HS6ST3: variants seen among roughly 807,000 people sequenced by gnomAD.
HS6ST3 encodes heparan sulfate 6-O-sulfotransferase 3.
HS6ST3 carries 12 observed loss-of-function variants against 36.7 expected under a neutral mutation model. The observed-to-expected ratio is 0.33, with a 90% CI of 0.21 to 0.53. The LOEUF (loss-of-function observed/expected upper bound fraction) is 0.53, where lower values mean the gene tolerates loss of function less well. HS6ST3 is among the 20% of genes least tolerant of loss of function. The pLI, the probability that HS6ST3 is intolerant of heterozygous loss-of-function variation, is 0.95. For missense variants in HS6ST3, 584 were observed against 640.9 expected (o/e 0.91, Z 0.96); for synonymous variants, 240 against 257.5 (o/e 0.93, Z 0.65).
intron 1 of HS6ST3, among the ~76,000 whole-genome samples, chr13:96,802,788 C>T (rs770145752): frequency 7.9e-5 from 12 of 152,196 alleles, no homozygotes; most frequent in Non-Finnish European, 1.0e-4. Flanking sequence ...CTGTGCTGGT[C>T]TCACTTTACT....
At chr13:96,101,868 G>T (rs1393549728) in intron 1 of HS6ST3, among the ~76,000 whole-genome samples, 8 of 151,972 alleles carry the variant, frequency 5.3e-5, no homozygotes. Context: ...TCTCTCTCTT[G>T]CACGTGCACA....
intron 1 of HS6ST3, among the ~76,000 whole-genome samples, chr13:96,717,173 A>G (rs1875719687): frequency 6.6e-6 from 1 of 152,226 alleles, no homozygotes; most frequent in Admixed American, 6.5e-5. Flanking sequence ...AAAGGGATGT[A>G]GTCAAGAAAG....
chr13:96,674,536 GAAGTT>G (rs376292139), intron 1 of HS6ST3, among the ~76,000 whole-genome samples: 3 of 152,114 alleles, frequency 2.0e-5, no homozygotes, highest in African/African-American at 7.2e-5. Context: ...GGAACAGGGG[GAAGTT>G]AAGGGGCTAG....
intron 1 of HS6ST3, among the ~76,000 whole-genome samples, chr13:96,295,652 T>G (rs151163356): frequency 6.6e-6 from 1 of 152,126 alleles, no homozygotes; most frequent in Non-Finnish European, 1.5e-5. Context: ...GTGTGTCTTA[T>G]TAAAAGCCTG....
At chr13:96,761,101 G>A (rs116947474) in intron 1 of HS6ST3, among the ~76,000 whole-genome samples, 3 of 150,792 alleles carry the variant, frequency 2.0e-5, no homozygotes, top group East Asian at 3.9e-4. Context: ...TATATATGAC[G>A]TGTTGAATTT....
intron 1 of HS6ST3, among the ~76,000 whole-genome samples, chr13:96,804,058 T>C (rs1878143005): frequency 6.6e-6 from 1 of 151,702 alleles, no homozygotes; most frequent in East Asian, 1.9e-4. Context: ...GGGTAGCATC[T>C]AAAACATGAG....
chr13:96,455,702 G>A (rs2055751561), intron 1 of HS6ST3, among the ~76,000 whole-genome samples: 1 of 152,232 alleles, frequency 6.6e-6, no homozygotes, highest in South Asian at 2.1e-4. Flanking sequence ...TTAGTACTTT[G>A]AGTACAGTTT....
At chr13:96,448,092 C>A (rs1404773180) in intron 1 of HS6ST3, among the ~76,000 whole-genome samples, 1 of 152,162 alleles carries the variant, frequency 6.6e-6, no homozygotes, top group African/African-American at 2.4e-5. Context: ...ATAGTTATTG[C>A]AGCTGATTGA....
chr13:96,101,135 G>A (rs909376241), intron 1 of HS6ST3, among the ~76,000 whole-genome samples: 5 of 152,092 alleles, frequency 3.3e-5, no homozygotes, highest in Non-Finnish European at 1.5e-5. Flanking sequence ...TTGGCCAGTC[G>A]TATCTATATT....
chr13:96,141,633 G>A (rs2054032388), intron 1 of HS6ST3, among the ~76,000 whole-genome samples: 1 of 152,108 alleles, frequency 6.6e-6, no homozygotes, highest in South Asian at 2.1e-4. Flanking sequence ...CCTAGTGACT[G>A]TCTTTTAAAT....
intron 1 of HS6ST3, among the ~76,000 whole-genome samples, chr13:96,444,860 G>A (rs2055690588): frequency 6.6e-6 from 1 of 152,164 alleles, no homozygotes; most frequent in South Asian, 2.1e-4. Context: ...GATGGCATTG[G>A]CTGAAACAGC....
intron 1 of HS6ST3, among the ~76,000 whole-genome samples, chr13:96,366,723 A>G (rs1054004289): frequency 3.3e-5 from 5 of 152,066 alleles, no homozygotes; most frequent in Non-Finnish European, 5.9e-5. Flanking sequence ...ACCGTTGCTT[A>G]AAAAAAGAAA....
chr13:96,451,454 C>T (rs760967348), intron 1 of HS6ST3, among the ~76,000 whole-genome samples: 2 of 152,108 alleles, frequency 1.3e-5, no homozygotes, highest in Non-Finnish European at 2.9e-5. Context: ...TCTTAGCTTT[C>T]CAAGCAAGGG....
chr13:96,554,246 A>G (rs937573335), intron 1 of HS6ST3, among the ~76,000 whole-genome samples: 5 of 152,162 alleles, frequency 3.3e-5, no homozygotes, highest in Admixed American at 6.5e-5. Context: ...AAAATAGATA[A>G]CAGCCAGGAA....
intron 1 of HS6ST3, among the ~76,000 whole-genome samples, chr13:96,098,545 G>A (rs1331185970): frequency 6.6e-6 from 1 of 152,196 alleles, no homozygotes. Flanking sequence ...CCCTGGCCAG[G>A]CATGGTGGCT....
intron 1 of HS6ST3, among the ~76,000 whole-genome samples, chr13:96,257,211 G>C (rs2054641513): frequency 6.6e-6 from 1 of 152,096 alleles, no homozygotes; most frequent in Non-Finnish European, 1.5e-5. Context: ...GAGACTAGAG[G>C]ATTTTCCTTC....
chr13:96,403,608 G>A lies in HS6ST3; in HGVS notation c.707+312039G>A, dbSNP rs184251445. 4.6e-5 allele frequency among the ~76,000 whole-genome samples: 7 copies of A among 152,042 alleles called. No homozygotes were observed. The South Asian group carries it at 1.5e-3, about 32-fold the overall frequency. On this transcript the variant is annotated intron_variant, in intron 1 of 1. Transcript: ENST00000376705. Reference sequence around the variant, plus strand: ...TCTTCAAGAAGAAAAAAAAATCCCCGTGAGAATAATTAGCTTTTATGAATT... The same window carrying A: ...TCTTCAAGAAGAAAAAAAAATCCCCATGAGAATAATTAGCTTTTATGAATT...
chr13:96,621,429 G>A (rs1019812409), intron 1 of HS6ST3, among the ~76,000 whole-genome samples: 6 of 152,124 alleles, frequency 3.9e-5, no homozygotes, highest in African/African-American at 1.2e-4. Context: ...GAAGGTGCCT[G>A]CTTCCCTTTT....
At chr13:96,671,058 C>T (rs1296430973) in intron 1 of HS6ST3, among the ~76,000 whole-genome samples, 1 of 152,096 alleles carries the variant, frequency 6.6e-6, no homozygotes, top group Non-Finnish European at 1.5e-5. Flanking sequence ...GAAAGTACAC[C>T]ACTGGAGAGT....
Sources: gnomAD v4.1 joint callset for allele counts (sites outside exome capture counted in the v4.1 genomes callset) on GRCh38, gnomAD v4.1.1 for gene constraint, MANE v1.5 for transcripts, NCBI Gene and HGNC (gene_info 2026-07-23, HGNC 2026-07-21) for gene names.